Variants in GPC6 observed in about 807,000 individuals in gnomAD.
GPC6 encodes glypican-6.
A neutral mutation model predicts 55.2 loss-of-function variants in GPC6; 14 were observed. That is an observed-to-expected ratio of 0.25 (90% confidence interval 0.17 to 0.40). The LOEUF (loss-of-function observed/expected upper bound fraction) is 0.40. Among genes scored for constraint, GPC6 ranks in the 10% least tolerant of loss-of-function variants. The pLI, the probability that GPC6 is intolerant of heterozygous loss-of-function variation, is 1.00. For missense variants in GPC6, 641 were observed against 708.5 expected, an observed-to-expected ratio of 0.90 and a Z score of 1.08; for synonymous variants, 278 against 259.6, an observed-to-expected ratio of 1.07 and a Z score of -0.68.
intron 1 of GPC6, among the ~76,000 whole-genome samples, chr13:93,494,653 G>A (rs867892747): frequency 3.3e-5 from 5 of 152,098 alleles, no homozygotes; most frequent in Middle Eastern, 3.4e-3. Context: ...ATTTTGCAGC[G>A]GCTGGTACCG....
intron 2 of GPC6, among the ~76,000 whole-genome samples, chr13:93,649,243 G>T (rs1042646956): frequency 1.3e-5 from 2 of 152,156 alleles, no homozygotes; most frequent in Non-Finnish European, 2.9e-5. Flanking sequence ...TTGAGCTCAC[G>T]AGTTCGAGAC....
At chr13:93,443,079 C>T (rs1199433770) in intron 1 of GPC6, among the ~76,000 whole-genome samples, 1 of 152,092 alleles carries the variant, frequency 6.6e-6, no homozygotes, top group African/African-American at 2.4e-5. Context: ...CTTAGAGAAC[C>T]TAACACCTAT....
chr13:93,490,241 T>G (rs1879914536), intron 1 of GPC6, among the ~76,000 whole-genome samples: 1 of 151,522 alleles, frequency 6.6e-6, no homozygotes, highest in Non-Finnish European at 1.5e-5. Flanking sequence ...GGTTTTTGTC[T>G]TTGGTTCTGT....
chr13:93,484,474 C>T lies in GPC6; in HGVS notation c.161-60789C>T, dbSNP rs565008994. ...CTAATCCCGAGTATGCTGTGAACCTCTTTTGGGAATATTATAATTTTCTGC... is the reference window on the plus strand; with the variant it reads ...CTAATCCCGAGTATGCTGTGAACCTTTTTTGGGAATATTATAATTTTCTGC... On this transcript the variant is annotated intron_variant, in intron 1 of 8. Coordinates refer to ENST00000377047, the MANE Select transcript of GPC6 (RefSeq NM_005708.5). Among the ~76,000 whole-genome samples, 11 of 152,172 alleles carry T rather than the reference C, an allele frequency of 7.2e-5. No individual in the cohort carries two copies. In the South Asian group the frequency reaches 2.1e-3, roughly 29 times the overall value.
intron 2 of GPC6, among the ~76,000 whole-genome samples, chr13:93,553,972 T>TAA (rs35301097): frequency 4.4e-4 from 59 of 134,150 alleles, no homozygotes; most frequent in East Asian, 2.2e-3. Context: ...CCGTCTCTAC[T>TAA]AAAAAAAAAA....
intron 4 of GPC6, among the ~76,000 whole-genome samples, chr13:94,261,971 C>T (rs1168153099): frequency 6.6e-6 from 1 of 152,144 alleles, no homozygotes; most frequent in East Asian, 1.9e-4. Flanking sequence ...GATATTTGCA[C>T]ATGTTCAAAT....
intron 1 of GPC6, among the ~76,000 whole-genome samples, chr13:93,424,837 C>A (rs16948775): frequency 9.9e-5 from 15 of 151,902 alleles, no homozygotes; most frequent in Admixed American, 6.6e-4. Context: ...ATATGTTTCC[C>A]GTAGATTATT....
chr13:93,837,546 G>T (rs1248381507), intron 3 of GPC6, among the ~76,000 whole-genome samples: 11 of 152,138 alleles, frequency 7.2e-5, no homozygotes. Context: ...TTTGTATTTT[G>T]TATGTCAAGT....
chr13:94,271,008 G>T (rs1279225926), intron 4 of GPC6, among the ~76,000 whole-genome samples: 1 of 95,970 alleles, frequency 1.0e-5, no homozygotes, highest in Non-Finnish European at 1.9e-5. Context: ...TTTTTTTTCT[G>T]AGACGGAGTC....
chr13:93,704,050 GT>G (rs1276110795), intron 2 of GPC6, among the ~76,000 whole-genome samples: 1 of 151,894 alleles, frequency 6.6e-6, no homozygotes, highest in Non-Finnish European at 1.5e-5. Flanking sequence ...TTTTGACATA[GT>G]TTTTAAAAAG....
At chr13:93,728,719 A>C (rs1273913421) in intron 2 of GPC6, among the ~76,000 whole-genome samples, 1 of 151,884 alleles carries the variant, frequency 6.6e-6, no homozygotes, top group Non-Finnish European at 1.5e-5. Flanking sequence ...ATCACCCACC[A>C]CCATGCCTGG....
intron 2 of GPC6, among the ~76,000 whole-genome samples, chr13:93,787,272 G>T (rs532348665): frequency 3.9e-4 from 60 of 152,262 alleles, no homozygotes; most frequent in African/African-American, 1.2e-3. Context: ...AAATTTCTCT[G>T]TACAGAGCAG....
At chr13:94,156,533 C>A (rs1887950189) in intron 4 of GPC6, among the ~76,000 whole-genome samples, 1 of 152,122 alleles carries the variant, frequency 6.6e-6, no homozygotes, top group African/African-American at 2.4e-5. Flanking sequence ...ACCACACCCA[C>A]ACCCCAAATG....
chr13:94,231,178 T>C (rs565442539), intron 4 of GPC6, among the ~76,000 whole-genome samples: 1 of 152,210 alleles, frequency 6.6e-6, no homozygotes, highest in South Asian at 2.1e-4. Flanking sequence ...GAGAAAATAA[T>C]AAACACTGCC....
At chr13:93,262,976 G>A (rs1022542198) in intron 1 of GPC6, among the ~76,000 whole-genome samples, 2 of 152,204 alleles carry the variant, frequency 1.3e-5, no homozygotes, top group Admixed American at 1.3e-4. Context: ...TACAAATGGA[G>A]TCTGGGTTTG....
chr13:94,054,250 G>T (rs1884053717), intron 4 of GPC6, among the ~76,000 whole-genome samples: 1 of 152,182 alleles, frequency 6.6e-6, no homozygotes, highest in South Asian at 2.1e-4. Flanking sequence ...TAGTGCATCA[G>T]CCCAGGTGGT....
chr13:94,048,792 C>CT (rs975225105), intron 4 of GPC6, among the ~76,000 whole-genome samples: 1 of 152,044 alleles, frequency 6.6e-6, no homozygotes, highest in African/African-American at 2.4e-5. Context: ...ATTCTCACTG[C>CT]TTTTTTGTAT....
At chr13:93,542,920 T>A (rs574369471) in intron 1 of GPC6, among the ~76,000 whole-genome samples, 1 of 152,320 alleles carries the variant, frequency 6.6e-6, no homozygotes, top group East Asian at 1.9e-4. Flanking sequence ...TAAGGAGATT[T>A]TGGGCTGAGA....
upstream of GPC6, among the ~76,000 whole-genome samples, chr13:93,221,868 C>T (rs1332614545): frequency 6.6e-6 from 1 of 152,154 alleles, no homozygotes; most frequent in Non-Finnish European, 1.5e-5. Context: ...AGTCCATTCT[C>T]CTGTTTTCCT....
Sources: allele counts gnomAD v4.1 joint callset (sites outside exome capture counted in the v4.1 genomes callset), GRCh38; gene constraint gnomAD v4.1.1; transcripts MANE v1.5; gene names NCBI Gene and HGNC (gene_info 2026-07-23, HGNC 2026-07-21).